The following PCCA variants were observed in gnomAD, a reference collection of about 807,000 sequenced individuals.
PCCA encodes propionyl-CoA carboxylase alpha chain, mitochondrial.
PCCA carries 74 observed loss-of-function variants against 101.3 expected under a neutral mutation model. The observed-to-expected ratio is 0.73, with a 90% CI of 0.61 to 0.89. PCCA has a LOEUF of 0.89. Among genes scored for constraint, PCCA ranks in the 40% least tolerant of loss-of-function variants. PCCA has a pLI of 0.00. For missense variants in PCCA, 891 were observed against 907.0 expected (o/e 0.98, Z 0.23); for synonymous variants, 294 against 313.6 (o/e 0.94, Z 0.66).
chr13:100,449,278 C>T lies in PCCA; in HGVS notation c.1872C>T (p.Asn624=). 1.9e-6 allele frequency: 3 copies of T among 1,541,250 alleles called. No homozygotes were observed. The highest frequency in any genetic ancestry group is 2.4e-5 in the South Asian group (2 of 83,650). ...VQCLSREAGG[N]MSIQFLGTVY... ...GTCTTTCTCGAGAAGCAGGTGGAAA[C>T]ATGAGCATTCAGTTTCTTGGTACAG... is the stretch of plus-strand genomic sequence containing the variant. The change falls in exon 21 of 24, where the codon AAC becomes AAT. Residue 624 remains asparagine, a synonymous_variant. Coordinates refer to ENST00000376285, the MANE Select transcript of PCCA (RefSeq NM_000282.4).
chr13:100,329,594 A>T (rs1325040276), intron 16 of PCCA, among the ~76,000 whole-genome samples: 1 of 152,216 alleles, frequency 6.6e-6, no homozygotes, highest in African/African-American at 2.4e-5. Flanking sequence ...TGGGTGCCTC[A>T]TGAGCTGACT....
At chr13:100,208,313 C>CT (rs2058994893) in intron 6 of PCCA, among the ~76,000 whole-genome samples, 1 of 152,128 alleles carries the variant, frequency 6.6e-6, no homozygotes, top group South Asian at 2.1e-4. Context: ...GAGAATGAAC[C>CT]TTTTTTCCCA....
intron 2 of PCCA, 69 bp downstream of exon 2, chr13:100,103,029 A>C: frequency 9.9e-7 from 1 of 1,009,860 alleles, no homozygotes; most frequent in Admixed American, 1.8e-5. Context: ...TCGTCTCCAC[A>C]CTGTGTTCAG....
chr13:100,212,270 C>T lies in PCCA; in HGVS notation c.600+2807C>T, dbSNP rs78680280. Among the ~76,000 whole-genome samples, 1,089 of 152,262 alleles carry T rather than the reference C, an allele frequency of 7.2e-3. 22 individuals carry two copies. The highest frequency in any genetic ancestry group is 0.027 in the South Asian group (131 of 4,820). Reference sequence around the variant, plus strand: ...TATTGGAGGGCAACCATGTTCATCCCTTTACATATTGTCTGTGGTTGCTTT... The same window carrying T: ...TATTGGAGGGCAACCATGTTCATCCTTTTACATATTGTCTGTGGTTGCTTT... On this transcript the variant is annotated intron_variant, in intron 7 of 23. Transcript: ENST00000376285.
At chr13:100,267,794 A>G (rs1188476497) in intron 10 of PCCA, among the ~76,000 whole-genome samples, 1 of 152,228 alleles carries the variant, frequency 6.6e-6, no homozygotes, top group Non-Finnish European at 1.5e-5. Context: ...CAGATTAACA[A>G]TGATTTTTTA....
At chr13:100,368,439 T>A in intron 18 of PCCA, 33 bp from the exon 19 acceptor site, 1 of 1,127,728 alleles carries the variant, frequency 8.9e-7, no homozygotes, top group East Asian at 2.4e-5. Context: ...TAATATAAAA[T>A]TATTAACTCT....
At chr13:100,299,515 A>G (rs78504134) in intron 12 of PCCA, among the ~76,000 whole-genome samples, 4,442 of 152,318 alleles carry the variant, frequency 0.029, 102 homozygotes, top group Non-Finnish European at 0.043. Context: ...CATCGTGACC[A>G]CTTACCATAG....
At chr13:100,411,371 G>A (rs1056260624) in intron 19 of PCCA, among the ~76,000 whole-genome samples, 1 of 151,970 alleles carries the variant, frequency 6.6e-6, no homozygotes, top group African/African-American at 2.4e-5. Flanking sequence ...GATTGCAGGT[G>A]TCCAAGCCAT....
rs141271379 is a variant in PCCA, at chr13:100,340,488, G to A, written c.1643+229G>A. On this transcript the variant is annotated intron_variant, in intron 18 of 23. Transcript: ENST00000376285. ...AAAAGGATCTTGGCCCTTTTAATTT[G>A]GACATAAGAAGATAGTCTGAAATCC... 5.9e-5 allele frequency among the ~76,000 whole-genome samples: 9 copies of A among 152,188 alleles called. No homozygotes were observed. The East Asian group carries it at 1.3e-3, about 23-fold the overall frequency.
intron 19 of PCCA, among the ~76,000 whole-genome samples, chr13:100,376,486 T>C (rs2075909317): frequency 6.6e-6 from 1 of 152,186 alleles, no homozygotes; most frequent in Non-Finnish European, 1.5e-5. Context: ...CCCAGGGAGA[T>C]AGGAGTTTTA....
chr13:100,091,984 G>A (rs1288595197), intron 1 of PCCA, among the ~76,000 whole-genome samples: 1 of 151,724 alleles, frequency 6.6e-6, no homozygotes, highest in Non-Finnish European at 1.5e-5. Context: ...GCAGTGGCGC[G>A]ATCTCAGCTC....
chr13:100,121,773 C>T (rs1216016310), intron 4 of PCCA, among the ~76,000 whole-genome samples: 1 of 152,134 alleles, frequency 6.6e-6, no homozygotes, highest in Non-Finnish European at 1.5e-5. Context: ...TGTGCCCGGC[C>T]AGGATTCTTT....
chr13:100,111,942 C>T, intron 3 of PCCA, 51 bp from the exon 4 acceptor site: 6 of 1,570,536 alleles, frequency 3.8e-6, no homozygotes, highest in Non-Finnish European at 5.3e-6. Context: ...ATTTATTAAA[C>T]CCCTTTAAGT....
intron 19 of PCCA, among the ~76,000 whole-genome samples, chr13:100,422,924 G>A (rs2078922096): frequency 6.7e-6 from 1 of 149,970 alleles, no homozygotes; most frequent in Non-Finnish European, 1.5e-5. Context: ...TTGAGACTTT[G>A]GAGAACTATT....
chr13:100,143,553 A>T (rs1036952272), intron 4 of PCCA, among the ~76,000 whole-genome samples: 8 of 119,764 alleles, frequency 6.7e-5, no homozygotes, highest in African/African-American at 3.1e-4. Flanking sequence ...AAAAAAAATA[A>T]AAAAAAAAAA....
intron 8 of PCCA, among the ~76,000 whole-genome samples, chr13:100,256,821 A>G (rs921396761): frequency 6.6e-6 from 1 of 152,192 alleles, no homozygotes; most frequent in African/African-American, 2.4e-5. Context: ...ACATCTAAAG[A>G]AGGAGACTTG....
intron 6 of PCCA, among the ~76,000 whole-genome samples, chr13:100,190,947 A>G (rs1382172766): frequency 6.6e-6 from 1 of 152,016 alleles, no homozygotes; most frequent in African/African-American, 2.4e-5. Flanking sequence ...ATACAAAAAA[A>G]TTAGCCAGGC....
intron 6 of PCCA, among the ~76,000 whole-genome samples, chr13:100,197,035 C>T (rs1449712424): frequency 6.6e-6 from 1 of 152,128 alleles, no homozygotes; most frequent in African/African-American, 2.4e-5. Context: ...ATTTATATTC[C>T]AGTCTTCTCT....
At chr13:100,258,828 TTAA>T (rs1222832611) in intron 9 of PCCA, among the ~76,000 whole-genome samples, 2 of 152,188 alleles carry the variant, frequency 1.3e-5, no homozygotes, top group Non-Finnish European at 2.9e-5. Flanking sequence ...GTTTATAAAA[TTAA>T]TAAAAATACA....
Sources: gnomAD v4.1 joint callset for allele counts (sites outside exome capture counted in the v4.1 genomes callset) on GRCh38, gnomAD v4.1.1 for gene constraint, MANE v1.5 for transcripts, NCBI Gene and HGNC (gene_info 2026-07-23, HGNC 2026-07-21) for gene names.